The following TEX11 variants were observed in gnomAD, a reference collection of about 807,000 sequenced individuals.
TEX11 encodes the protein testis expressed 11.
In TEX11, 7 loss-of-function variants were observed where a neutral mutation model predicts 84.4. The ratio of observed to expected loss-of-function variants is 0.08; its 90% CI spans 0.05 to 0.16. The LOEUF is 0.16. Among genes scored for constraint, TEX11 ranks in the 10% least tolerant of loss-of-function variants. The pLI, the probability that TEX11 is intolerant of heterozygous loss-of-function variation, is 1.00. For missense variants in TEX11, 551 were observed against 660.5 expected (o/e 0.83, Z 1.82); for synonymous variants, 264 against 222.8 (o/e 1.18, Z -1.64).
chrX:70,757,550 C>G (rs1238476974), intron 9 of TEX11, among the ~76,000 whole-genome samples: 3 of 111,641 alleles, frequency 2.7e-5, no homozygotes, highest in Non-Finnish European at 5.6e-5. Flanking sequence ...GAAATAAAAT[C>G]TTTTACAGAC....
intron 24 of TEX11, 149 bp downstream of exon 24, chrX:70,605,252 A>C (rs1368835574): frequency 4.6e-5 from 17 of 372,154 alleles, no homozygotes; most frequent in Non-Finnish European, 8.1e-5. Flanking sequence ...TTAGGAAGGA[A>C]TTAGCCATTA....
chrX:70,781,928 C>A (rs775032112), intron 9 of TEX11, among the ~76,000 whole-genome samples: 1 of 111,328 alleles, frequency 9.0e-6, no homozygotes, highest in Non-Finnish European at 1.9e-5. Context: ...CCCAACCTAG[C>A]AAGGTAGGTG....
chrX:70,573,021 A>AT (rs2088626419), intron 25 of TEX11, among the ~76,000 whole-genome samples: 2 of 111,748 alleles, frequency 1.8e-5, no homozygotes, highest in South Asian at 3.8e-4. Flanking sequence ...AATAAATAAA[A>AT]TTTCCAGATT....
intron 5 of TEX11, among the ~76,000 whole-genome samples, chrX:70,858,869 C>T (rs142389072): frequency 0.037 from 4,106 of 110,088 alleles, 152 homozygotes; most frequent in East Asian, 0.13. Context: ...GAAACCCCAT[C>T]TCTACTAAAA....
chrX:70,874,218 G>A (rs780066734), intron 3 of TEX11, among the ~76,000 whole-genome samples: 4 of 110,108 alleles, frequency 3.6e-5, no homozygotes, highest in South Asian at 3.9e-4. Flanking sequence ...GCAGAACCAT[G>A]AGCCAAATAA....
chrX:70,752,239 G>C (rs1468200573), intron 9 of TEX11, among the ~76,000 whole-genome samples: 2 of 111,477 alleles, frequency 1.8e-5, no homozygotes, highest in Non-Finnish European at 3.8e-5. Context: ...TATAGACATA[G>C]TAAGTATAAT....
Position 70,689,752 on chromosome X carries a change from G to A in TEX11, c.1005-6927C>T, listed in dbSNP as rs759427767. Among the ~76,000 whole-genome samples, 7 of 111,921 alleles carry A rather than the reference G, an allele frequency of 6.3e-5. No individual in the cohort carries two copies. In the East Asian group the frequency reaches 2.0e-3, roughly 31 times the overall value. On this transcript the variant is annotated intron_variant, in intron 13 of 29. Transcript: ENST00000374333. ...GAAGAGACAAATTTCCCATGTAGAA[G>A]AATTCAAAATAATTTATCTAGATAA...
chrX:70,685,158 G>GT (rs775697824), intron 13 of TEX11, among the ~76,000 whole-genome samples: 1 of 112,090 alleles, frequency 8.9e-6, no homozygotes, highest in Non-Finnish European at 1.9e-5. Context: ...GAGGCCAGGA[G>GT]TTTGAGACCA....
chrX:70,669,395 G>A (rs1015965338), intron 16 of TEX11, among the ~76,000 whole-genome samples: 1 of 111,933 alleles, frequency 8.9e-6, no homozygotes, highest in African/African-American at 3.2e-5. Flanking sequence ...AAATAGTGCT[G>A]TCCTGTGCAG....
intron 13 of TEX11, among the ~76,000 whole-genome samples, chrX:70,704,951 A>C (rs979401020): frequency 6.3e-5 from 7 of 111,782 alleles, no homozygotes; most frequent in East Asian, 2.8e-4. Flanking sequence ...AGTCTTTAAT[A>C]CATCTTGAAT....
At chrX:70,647,081 GA>G (rs2089750755) in intron 17 of TEX11, among the ~76,000 whole-genome samples, 1 of 110,917 alleles carries the variant, frequency 9.0e-6, no homozygotes, top group East Asian at 2.8e-4. Flanking sequence ...TGTCATTTAT[GA>G]AAAAAAGGTA....
At chrX:70,752,321 T>TG (rs2090832254) in intron 9 of TEX11, among the ~76,000 whole-genome samples, 1 of 109,404 alleles carries the variant, frequency 9.1e-6, no homozygotes, top group Non-Finnish European at 1.9e-5. Flanking sequence ...AGTCAGGAGT[T>TG]GGAGACCAGC....
intron 16 of TEX11, among the ~76,000 whole-genome samples, chrX:70,653,453 T>A (rs933794643): frequency 1.8e-5 from 2 of 112,413 alleles, no homozygotes; most frequent in Non-Finnish European, 3.8e-5. Context: ...TAACATCTTA[T>A]GTCATTAGGG....
intron 9 of TEX11, among the ~76,000 whole-genome samples, chrX:70,756,792 T>C (rs2090870631): frequency 8.9e-6 from 1 of 111,951 alleles, no homozygotes; most frequent in Non-Finnish European, 1.9e-5. Context: ...AGAAGTAGGC[T>C]TCAGAAGGTT....
the TEX11 span, among the ~76,000 whole-genome samples, chrX:70,520,264 T>G: frequency 8.9e-6 from 1 of 112,223 alleles, no homozygotes; most frequent in African/African-American, 3.2e-5. Flanking sequence ...TTCATCTACC[T>G]TTGGTCTTTG....
chrX:70,530,784 C>T (rs2087877143), intron 28 of TEX11, among the ~76,000 whole-genome samples: 1 of 111,783 alleles, frequency 8.9e-6, no homozygotes, highest in Admixed American at 9.6e-5. Flanking sequence ...ACATAAAACA[C>T]TGTGATAATG....
chrX:70,699,916 T>C (rs1474716377), intron 13 of TEX11, among the ~76,000 whole-genome samples: 3 of 110,523 alleles, frequency 2.7e-5, no homozygotes, highest in Non-Finnish European at 5.7e-5. Context: ...GAAATAACTA[T>C]AGATCCACAG....
At chrX:70,586,472 C>CA (rs1000250471) in intron 25 of TEX11, among the ~76,000 whole-genome samples, 1 of 111,233 alleles carries the variant, frequency 9.0e-6, no homozygotes, top group Non-Finnish European at 1.9e-5. Context: ...AACGCAACAC[C>CA]AAAAAACAAC....
At chrX:70,732,488 G>A (rs1206221043) in intron 11 of TEX11, among the ~76,000 whole-genome samples, 2 of 111,426 alleles carry the variant, frequency 1.8e-5, no homozygotes, top group African/African-American at 6.5e-5. Flanking sequence ...AAAATCACAA[G>A]CATTCTTATA....
Sources: allele counts gnomAD v4.1 joint callset (sites outside exome capture counted in the v4.1 genomes callset), GRCh38; gene constraint gnomAD v4.1.1; transcripts MANE v1.5; gene names NCBI Gene and HGNC (gene_info 2026-07-23, HGNC 2026-07-21).